Variants in CACNA1E observed in about 807,000 individuals in gnomAD.
CACNA1E encodes the protein voltage-dependent R-type calcium channel subunit alpha-1E.
Under a neutral mutation model 259.2 loss-of-function variants are expected in CACNA1E, and 40 were observed. The ratio of observed to expected loss-of-function variants is 0.15; its 90% CI spans 0.12 to 0.20. The LOEUF is 0.20. Among genes scored for constraint, CACNA1E ranks in the 10% least tolerant of loss-of-function variants. The probability of loss-of-function intolerance (pLI) is 1.00; values close to 1 mark genes in which losing one functional copy is unlikely to be tolerated. For synonymous variants in CACNA1E, 1,104 were observed against 1,138.5 expected (o/e 0.97, Z 0.61); for missense variants, 1,874 against 3,040.1 (o/e 0.62, Z 9.02).
intron 6 of CACNA1E, among the ~76,000 whole-genome samples, chr1:181,598,212 C>T (rs1653390534): frequency 6.6e-6 from 1 of 152,176 alleles, no homozygotes; most frequent in Non-Finnish European, 1.5e-5. Flanking sequence ...GAGTGCCGAC[C>T]GATTACCAGG....
In CACNA1E at chr1:181,757,120, G is replaced by T. The variant is rs756231898; in HGVS notation, c.4323G>T (p.Lys1441Asn). The change falls in exon 30 of 48, where the codon AAG becomes AAT. Residue 1441 changes from lysine (K) to asparagine (N), a missense_variant. This residue lies in a region of CACNA1E where 188 missense variants were observed against 540.6 expected (regional missense o/e 0.35). Transcript: ENST00000367573. ...DKMMEECSLE[K>N]NERACIDFAI... Reference sequence around the variant, plus strand: ...TGATGGAGGAGTGCAGCCTGGAGAAGAATGAGGTAATGACAATTGGTCTAA... The same window carrying T: ...TGATGGAGGAGTGCAGCCTGGAGAATAATGAGGTAATGACAATTGGTCTAA... The T allele has an allele frequency of 6.2e-7, 1 of 1,612,712 alleles. No homozygotes were observed. Among genetic ancestry groups the T allele is most frequent in the African/African-American group, 1.3e-5 (1 of 75,016 alleles).
At chr1:181,574,705 T>A (rs1047522246) in intron 3 of CACNA1E, among the ~76,000 whole-genome samples, 23 of 152,156 alleles carry the variant, frequency 1.5e-4, no homozygotes, top group African/African-American at 5.1e-4. Context: ...AATAAGGCTA[T>A]TTTCCTTTAT....
At chr1:181,694,814 A>G (rs956034376) in intron 7 of CACNA1E, among the ~76,000 whole-genome samples, 5 of 152,228 alleles carry the variant, frequency 3.3e-5, no homozygotes, top group African/African-American at 1.2e-4. Flanking sequence ...TAATCTGGAA[A>G]TGGGCAAGGA....
At chr1:181,766,915 A>G (rs556236099) in intron 35 of CACNA1E, among the ~76,000 whole-genome samples, 64 of 152,300 alleles carry the variant, frequency 4.2e-4, no homozygotes, top group Admixed American at 2.3e-3. Context: ...AGCAAAGATG[A>G]CACCATTGTT....
chr1:181,681,318 A>AAGCTTG (rs1649949237), intron 7 of CACNA1E, among the ~76,000 whole-genome samples: 1 of 152,196 alleles, frequency 6.6e-6, no homozygotes, highest in African/African-American at 2.4e-5. Flanking sequence ...GAAGTACTTC[A>AAGCTTG]AGCTTAGCAT....
chr1:181,654,061 C>A (rs1658986825), intron 7 of CACNA1E, among the ~76,000 whole-genome samples: 2 of 150,836 alleles, frequency 1.3e-5, no homozygotes, highest in African/African-American at 4.9e-5. Context: ...GGAATATGAA[C>A]AATGCAGGGA....
At chr1:181,760,456 G>T (rs544102794) in intron 32 of CACNA1E, among the ~76,000 whole-genome samples, 1 of 152,232 alleles carries the variant, frequency 6.6e-6, no homozygotes, top group East Asian at 1.9e-4. Flanking sequence ...TATTGTTGTT[G>T]TTATTTTAAA....
rs77499106 is a variant in CACNA1E at position 181,525,426 on chromosome 1, C to T, written c.512+13916C>T. Among the ~76,000 whole-genome samples, 1,489 of 152,302 alleles carry T rather than the reference C, an allele frequency of 9.8e-3. 15 individuals are homozygous for T. The highest frequency in any genetic ancestry group is 0.015 in the Admixed American group (226 of 15,290). ...AAGCTTTGAAGATAAGCATGAGAAA[C>T]AATTAGTGTATTTCATATTTTTTTT... On this transcript the variant is annotated intron_variant, in intron 3 of 47. Coordinates refer to ENST00000367573, the MANE Select transcript of CACNA1E (RefSeq NM_001205293.3).
intron 37 of CACNA1E, among the ~76,000 whole-genome samples, chr1:181,775,567 T>C (rs1249362927): frequency 2.0e-5 from 3 of 152,332 alleles, no homozygotes; most frequent in East Asian, 1.9e-4. Context: ...TCTAGATCAG[T>C]GGTTGGCAAA....
In CACNA1E at chr1:181,397,623, C is replaced by G. The variant is rs1035321492; in HGVS notation, c.-14-15510C>G. Among the ~76,000 whole-genome samples, 11 of 152,296 alleles carry G rather than the reference C, an allele frequency of 7.2e-5. 1 individual carries two copies. In the South Asian group the frequency reaches 1.9e-3, roughly 26 times the overall value. On this transcript the variant is annotated intron_variant, in intron 1 of 11. Coordinates refer to the CACNA1E transcript ENST00000524607. ...AGGGTGGGGTGTTTCAGCCTCTCATCACGTCACTAGGAAGACTCCAGGAAA... is the reference window on the plus strand; with the variant it reads ...AGGGTGGGGTGTTTCAGCCTCTCATGACGTCACTAGGAAGACTCCAGGAAA...
chr1:181,456,569 G>C (rs1018229399), intron 2 of CACNA1E, among the ~76,000 whole-genome samples: 3 of 152,176 alleles, frequency 2.0e-5, no homozygotes, highest in African/African-American at 7.2e-5. Context: ...GCAAGTCATG[G>C]AGAGGGTTGG....
intron 45 of CACNA1E, among the ~76,000 whole-genome samples, chr1:181,794,464 A>G (rs1661610913): frequency 6.6e-6 from 1 of 151,990 alleles, no homozygotes; most frequent in African/African-American, 2.4e-5. Context: ...AAGCAAAGCC[A>G]TGCTTCTTTC....
intron 1 of CACNA1E, among the ~76,000 whole-genome samples, chr1:181,397,937 C>A (rs113668086): frequency 6.6e-6 from 1 of 152,222 alleles, no homozygotes; most frequent in East Asian, 1.9e-4. Flanking sequence ...TGGTGGCCAT[C>A]GCCTTTTTGC....
chr1:181,773,500 A>C (rs1659706176), intron 37 of CACNA1E, among the ~76,000 whole-genome samples: 1 of 152,258 alleles, frequency 6.6e-6, no homozygotes, highest in Admixed American at 6.5e-5. Flanking sequence ...AATATACAAC[A>C]GTATCTTATT....
At chr1:181,694,325 AAATT>A (rs1384985884) in intron 7 of CACNA1E, among the ~76,000 whole-genome samples, 1 of 152,244 alleles carries the variant, frequency 6.6e-6, no homozygotes, top group African/African-American at 2.4e-5. Context: ...GACTTGCAGT[AAATT>A]AATAATAGAA....
chr1:181,598,238 T>C (rs1245604198), intron 6 of CACNA1E, among the ~76,000 whole-genome samples: 2 of 152,198 alleles, frequency 1.3e-5, no homozygotes, highest in Non-Finnish European at 2.9e-5. Flanking sequence ...TGTTAGGCAT[T>C]GGATGGTGGA....
chr1:181,688,026 C>A (rs188677579), intron 7 of CACNA1E, among the ~76,000 whole-genome samples: 6 of 152,002 alleles, frequency 3.9e-5, no homozygotes, highest in Non-Finnish European at 5.9e-5. Context: ...TGAAATATTT[C>A]ATATACACAA....
chr1:181,352,005 C>T (rs1461171344), intron 1 of CACNA1E, among the ~76,000 whole-genome samples: 1 of 152,162 alleles, frequency 6.6e-6, no homozygotes, highest in Non-Finnish European at 1.5e-5. Flanking sequence ...ATAGTCCATG[C>T]ACTTGCAGCA....
chr1:181,685,975 G>T (rs916060343), intron 7 of CACNA1E, among the ~76,000 whole-genome samples: 1 of 152,036 alleles, frequency 6.6e-6, no homozygotes, highest in East Asian at 1.9e-4. Context: ...GAGTGCTTGG[G>T]CTAGAAAGGC....
Sources: gnomAD v4.1 joint callset for allele counts (sites outside exome capture counted in the v4.1 genomes callset) on GRCh38, gnomAD v4.1.1 for gene constraint, gnomAD v4.1.1 regional missense constraint, MANE v1.5 for transcripts, NCBI Gene and HGNC (gene_info 2026-07-23, HGNC 2026-07-21) for gene names.